TSHZ2: variants seen among roughly 807,000 people sequenced by gnomAD.
TSHZ2 encodes the protein teashirt homolog 2.
A neutral mutation model predicts 74.4 loss-of-function variants in TSHZ2; 21 were observed. The observed-to-expected ratio is 0.28, with a 90% CI of 0.20 to 0.41. The LOEUF is 0.41. Among genes scored for constraint, TSHZ2 ranks in the 10% least tolerant of loss-of-function variants. TSHZ2 has a pLI of 1.00. For missense variants in TSHZ2, 1,244 were observed against 1,293.5 expected (o/e 0.96, Z 0.59); for synonymous variants, 540 against 515.3 (o/e 1.05, Z -0.65).
intron 2 of TSHZ2, among the ~76,000 whole-genome samples, chr20:53,481,588 G>GA (rs901303946): frequency 2.7e-4 from 40 of 146,094 alleles, no homozygotes; most frequent in Admixed American, 6.2e-4. Flanking sequence ...AAAAAAAATA[G>GA]AAAAAAAAAA....
chr20:53,140,551 A>C (rs1302828816), intron 1 of TSHZ2, among the ~76,000 whole-genome samples: 1 of 128,212 alleles, frequency 7.8e-6, no homozygotes, highest in Non-Finnish European at 1.8e-5. Context: ...AAAAAAAAAA[A>C]AAAAAAAAAA....
At chr20:53,004,169 C>T (rs574130914) in intron 1 of TSHZ2, among the ~76,000 whole-genome samples, 1 of 152,196 alleles carries the variant, frequency 6.6e-6, no homozygotes, top group East Asian at 1.9e-4. Flanking sequence ...CCTGCCCCAA[C>T]TTTAAACATA....
chr20:53,317,500 C>T (rs1470118232), intron 2 of TSHZ2, among the ~76,000 whole-genome samples: 1 of 152,070 alleles, frequency 6.6e-6, no homozygotes. Flanking sequence ...AGATGCTTTC[C>T]TCCTCCTCTC....
At chr20:53,203,345 C>T (rs1364839697) in intron 1 of TSHZ2, among the ~76,000 whole-genome samples, 1 of 152,064 alleles carries the variant, frequency 6.6e-6, no homozygotes, top group Non-Finnish European at 1.5e-5. Context: ...TAGGCACCCA[C>T]CACCATACCT....
intron 1 of TSHZ2, among the ~76,000 whole-genome samples, chr20:53,122,187 C>G (rs1439220124): frequency 1.3e-5 from 2 of 150,842 alleles, no homozygotes; most frequent in Non-Finnish European, 2.9e-5. Flanking sequence ...ACTTAGGAGG[C>G]TAAGGTGGGA....
intron 2 of TSHZ2, among the ~76,000 whole-genome samples, chr20:53,350,395 C>T (rs149322648): frequency 3.3e-4 from 51 of 152,338 alleles, no homozygotes; most frequent in East Asian, 5.8e-4. Flanking sequence ...ACCTCTAGGA[C>T]GGTGAAGTCT....
intron 1 of TSHZ2, among the ~76,000 whole-genome samples, chr20:53,038,916 G>T (rs1010295962): frequency 2.3e-5 from 2 of 86,504 alleles, no homozygotes; most frequent in African/African-American, 1.6e-4. Flanking sequence ...TTGTTTTTGA[G>T]ATGGAGTTTC....
intron 2 of TSHZ2, among the ~76,000 whole-genome samples, chr20:53,403,906 C>G (rs977625435): frequency 6.6e-6 from 1 of 152,072 alleles, no homozygotes; most frequent in African/African-American, 2.4e-5. Flanking sequence ...TAACCACAGC[C>G]GTGAGCCAAA....
chr20:53,068,933 C>A (rs1985081805), intron 1 of TSHZ2, among the ~76,000 whole-genome samples: 1 of 150,318 alleles, frequency 6.7e-6, no homozygotes, highest in African/African-American at 2.4e-5. Flanking sequence ...AGAAGTTGAA[C>A]ACCTAAGAAC....
chr20:53,046,473 CAG>C (rs1984232056), intron 1 of TSHZ2, among the ~76,000 whole-genome samples: 1 of 152,068 alleles, frequency 6.6e-6, no homozygotes, highest in South Asian at 2.1e-4. Flanking sequence ...TGTGTGATGA[CAG>C]AGATATTATC....
intron 2 of TSHZ2, among the ~76,000 whole-genome samples, chr20:53,396,150 G>A (rs1370192895): frequency 6.6e-6 from 1 of 152,176 alleles, no homozygotes; most frequent in Non-Finnish European, 1.5e-5. Flanking sequence ...TGTTAGCCAG[G>A]ATAGTCTCTA....
At chr20:53,197,250 G>T (rs997053560) in intron 1 of TSHZ2, among the ~76,000 whole-genome samples, 1 of 152,200 alleles carries the variant, frequency 6.6e-6, no homozygotes, top group African/African-American at 2.4e-5. Context: ...GCAGTTGCTG[G>T]CTAAACAGTG....
At chr20:53,127,838 G>T (rs1265150139) in intron 1 of TSHZ2, among the ~76,000 whole-genome samples, 1 of 152,190 alleles carries the variant, frequency 6.6e-6, no homozygotes, top group Non-Finnish European at 1.5e-5. Context: ...AGAGGCAGAG[G>T]CATGATTTGA....
intron 2 of TSHZ2, among the ~76,000 whole-genome samples, chr20:53,309,426 G>T (rs1036842657): frequency 4.6e-5 from 7 of 151,934 alleles, no homozygotes; most frequent in Admixed American, 3.3e-4. Context: ...GAAGCAAAGA[G>T]AAAGGAGAAA....
chr20:52,990,661 A>T (rs1165714293), intron 1 of TSHZ2, among the ~76,000 whole-genome samples: 1 of 152,204 alleles, frequency 6.6e-6, no homozygotes, highest in African/African-American at 2.4e-5. Flanking sequence ...GTGTTACAAG[A>T]TGAATTGTTA....
chr20:53,333,339 G>A (rs1174988375), intron 2 of TSHZ2, among the ~76,000 whole-genome samples: 1 of 152,164 alleles, frequency 6.6e-6, no homozygotes, highest in African/African-American at 2.4e-5. Context: ...AACACAATTA[G>A]AGGCCTTTGA....
intron 2 of TSHZ2, among the ~76,000 whole-genome samples, chr20:53,258,574 T>A (rs1990534264): frequency 6.6e-6 from 1 of 152,024 alleles, no homozygotes; most frequent in Admixed American, 6.5e-5. Context: ...TAGGGAGAGG[T>A]AAGGAAAAGA....
intron 1 of TSHZ2, among the ~76,000 whole-genome samples, chr20:53,071,799 T>C (rs1985183667): frequency 6.6e-6 from 1 of 152,170 alleles, no homozygotes; most frequent in Non-Finnish European, 1.5e-5. Flanking sequence ...TGAATACCCC[T>C]GGAGAGTAGT....
rs187047650 is a variant in TSHZ2, at chr20:53,232,800, G to A, written c.41-20699G>A. 2.5e-3 allele frequency among the ~76,000 whole-genome samples: 387 copies of A among 152,094 alleles called. 1 individual carries two copies. The highest frequency in any genetic ancestry group is 3.7e-3 in the Non-Finnish European group (253 of 67,996). On this transcript the variant is annotated intron_variant, in intron 1 of 2. Transcript: ENST00000371497. ...GAGCACTTTCTCTGTGCCAAGCACC[G>A]TGTGAAGCACTTTTACCTTTTTCAT...
Sources: allele counts gnomAD v4.1 joint callset (sites outside exome capture counted in the v4.1 genomes callset), GRCh38; gene constraint gnomAD v4.1.1; transcripts MANE v1.5; gene names NCBI Gene and HGNC (gene_info 2026-07-23, HGNC 2026-07-21).